The following KALRN variants were observed in gnomAD, a reference collection of about 807,000 sequenced individuals.
KALRN encodes the protein kalirin RhoGEF kinase.
In KALRN, 70 loss-of-function variants were observed where a neutral mutation model predicts 353.7. That is an observed-to-expected ratio of 0.20 (90% CI 0.16 to 0.24). The LOEUF (loss-of-function observed/expected upper bound fraction) is 0.24. Ranked by LOEUF, KALRN falls within the 10% of genes least tolerant of loss-of-function variation. KALRN has a pLI of 1.00. For synonymous variants in KALRN, 1,391 were observed against 1,434.8 expected (o/e 0.97, Z 0.69); for missense variants, 2,791 against 3,756.7 (o/e 0.74, Z 6.72).
At chr3:124,474,439 C>T (rs924025028) in intron 25 of KALRN, among the ~76,000 whole-genome samples, 14 of 151,728 alleles carry the variant, frequency 9.2e-5, no homozygotes, top group African/African-American at 1.7e-4. Context: ...GTGTTCACTC[C>T]GAGAGAAAGA....
At chr3:124,674,013 G>T (rs1471729060) in intron 48 of KALRN, among the ~76,000 whole-genome samples, 4 of 152,134 alleles carry the variant, frequency 2.6e-5, no homozygotes, top group Admixed American at 6.5e-5. Flanking sequence ...ATTCTGCCCA[G>T]GTGCTTACAT....
intron 9 of KALRN, among the ~76,000 whole-genome samples, chr3:124,346,616 C>T (rs1192708550): frequency 6.6e-6 from 1 of 152,168 alleles, no homozygotes; most frequent in South Asian, 2.1e-4. Flanking sequence ...TCATGAGCAT[C>T]CAACTGGAGA....
intron 5 of KALRN, among the ~76,000 whole-genome samples, chr3:124,287,134 A>G (rs1398416421): frequency 6.6e-6 from 1 of 152,158 alleles, no homozygotes; most frequent in Non-Finnish European, 1.5e-5. Flanking sequence ...CTGGGGTCAC[A>G]AATGAATGCC....
chr3:124,488,215 T>G lies in KALRN; in HGVS notation c.4296T>G (p.Thr1432=). Residue 1432 remains threonine, a synonymous_variant, in exon 29 of 60, where the codon ACT becomes ACG. Transcript: ENST00000682506. ...KYQLLLKELL[T]CCEEGKGELK... ...TTTTTTTTCCCCAGGAACTTTTAAC[T>G]TGCTGTGAAGAAGGGAAAGGGGAGC... 6.2e-7 allele frequency: 1 copy of G among 1,612,682 alleles called. No individual in the cohort carries two copies. Among genetic ancestry groups the G allele is most frequent in the Non-Finnish European group, 8.5e-7 (1 of 1,179,126 alleles).
intron 33 of KALRN, among the ~76,000 whole-genome samples, chr3:124,548,323 T>C (rs2069980035): frequency 6.6e-6 from 1 of 152,222 alleles, no homozygotes; most frequent in Non-Finnish European, 1.5e-5. Context: ...AAAATTGCCC[T>C]CTCTTCCCAG....
intron 23 of KALRN, among the ~76,000 whole-genome samples, chr3:124,460,805 A>G (rs1019272140): frequency 6.6e-6 from 1 of 152,208 alleles, no homozygotes; most frequent in African/African-American, 2.4e-5. Context: ...AGAATATACC[A>G]CAACGAGGCC....
chr3:124,148,905 T>C (rs2067719162), intron 1 of KALRN, among the ~76,000 whole-genome samples: 1 of 152,216 alleles, frequency 6.6e-6, no homozygotes. Flanking sequence ...AAATCCATCA[T>C]TTTTTAGTTG....
chr3:124,495,777 T>C (rs2063648435), intron 32 of KALRN, among the ~76,000 whole-genome samples: 1 of 147,216 alleles, frequency 6.8e-6, no homozygotes, highest in Non-Finnish European at 1.5e-5. Flanking sequence ...TCACTTCTGT[T>C]TTCTTTATAG....
chr3:124,555,273 T>G (rs1027984698), intron 33 of KALRN, among the ~76,000 whole-genome samples: 2 of 151,960 alleles, frequency 1.3e-5, no homozygotes, highest in African/African-American at 4.8e-5. Flanking sequence ...GGCTCACGCC[T>G]GTAATCCCAG....
At chr3:124,265,881 T>G (rs1198974386) in intron 4 of KALRN, among the ~76,000 whole-genome samples, 1 of 152,148 alleles carries the variant, frequency 6.6e-6, no homozygotes, top group African/African-American at 2.4e-5. Flanking sequence ...TTTGGGAGGC[T>G]GAGGAGGGTG....
intron 6 of KALRN, among the ~76,000 whole-genome samples, chr3:124,305,528 A>G (rs935571265): frequency 2.6e-5 from 4 of 152,216 alleles, no homozygotes; most frequent in Admixed American, 1.3e-4. Context: ...GACAGCACCA[A>G]GGAAAAATCA....
chr3:124,576,800 G>T (rs1381069350), intron 34 of KALRN, among the ~76,000 whole-genome samples: 1 of 152,188 alleles, frequency 6.6e-6, no homozygotes, highest in African/African-American at 2.4e-5. Flanking sequence ...GAATTAAAAT[G>T]CCATCCCACA....
At chr3:124,708,831 A>G (rs1011517638) in intron 57 of KALRN, among the ~76,000 whole-genome samples, 1 of 152,202 alleles carries the variant, frequency 6.6e-6, no homozygotes, top group South Asian at 2.1e-4. Flanking sequence ...ATTGTAATCA[A>G]ACTGCTGAAA....
At chr3:124,656,938 A>G (rs940113664) in intron 39 of KALRN, among the ~76,000 whole-genome samples, 4 of 152,182 alleles carry the variant, frequency 2.6e-5, no homozygotes, top group Admixed American at 6.5e-5. Flanking sequence ...CAGGGAACTC[A>G]GACATCAGTG....
intron 14 of KALRN, among the ~76,000 whole-genome samples, chr3:124,421,075 C>T (rs1397773317): frequency 2.0e-5 from 3 of 152,176 alleles, no homozygotes; most frequent in African/African-American, 7.2e-5. Context: ...ACAAAAGTGT[C>T]AGCATCAGGA....
chr3:124,652,767 C>T (rs998286885), intron 38 of KALRN, among the ~76,000 whole-genome samples: 13 of 151,994 alleles, frequency 8.6e-5, no homozygotes, highest in African/African-American at 2.7e-4. Flanking sequence ...TTAGTAGAGA[C>T]GGGGTTTCAC....
rs984787332 is a variant in KALRN at position 124,637,210 on chromosome 3, C to T, written c.5571C>T (p.Ser1857=). 6.2e-7 allele frequency: 1 copy of T among 1,613,062 alleles called. No homozygotes were observed. Among genetic ancestry groups the T allele is most frequent in the Admixed American group, 1.7e-5 (1 of 60,002 alleles). ...FDNDPTQDEM[S]SSLLAARQAS... The stretch of plus-strand genomic sequence containing the variant: ...CTCTGCTGCCCGATGTCTTGCAGTC[C>T]TCCTCTTTGCTAGCAGCCCGGCAGG... Residue 1857 remains serine, a splice_region_variant and synonymous_variant, in exon 37 of 60, where the codon TCC becomes TCT. Coordinates refer to ENST00000682506, the MANE Select transcript of KALRN (RefSeq NM_001388419.1).
Position 124,666,925 on chromosome 3 carries a change from G to A in KALRN, c.6532-87G>A, listed in dbSNP as rs2085711254. On this transcript the variant is annotated intron_variant, in intron 46 of 59. Coordinates refer to ENST00000682506, the MANE Select transcript of KALRN (RefSeq NM_001388419.1). ...AGGGCAAAATTTGGAAGCTTGTCCT[G>A]AAATAGAAACTTTGAGGAAGAGTAA... is the stretch of plus-strand genomic sequence containing the variant. 3.6e-6 allele frequency: 5 copies of A among 1,393,224 alleles called. No homozygotes were observed. In the Admixed American group the frequency reaches 1.1e-4, roughly 30 times the overall value. 86.3% of individuals were successfully genotyped at this position (1,393,224 alleles called of 1,614,324 possible). A position where few individuals can be genotyped will look rare whatever the true frequency, so the allele number is the denominator to read the frequency against.
intron 1 of KALRN, among the ~76,000 whole-genome samples, chr3:124,061,631 C>T (rs2042002344): frequency 6.6e-6 from 1 of 152,064 alleles, no homozygotes; most frequent in African/African-American, 2.4e-5. Flanking sequence ...TCTAATTTTC[C>T]AAATATGTTT....
Sources: gnomAD v4.1 joint callset for allele counts (sites outside exome capture counted in the v4.1 genomes callset) on GRCh38, gnomAD v4.1.1 for gene constraint, MANE v1.5 for transcripts, NCBI Gene and HGNC (gene_info 2026-07-23, HGNC 2026-07-21) for gene names.